Variants in CNGA3 observed in about 807,000 individuals in gnomAD.
CNGA3 encodes the protein cyclic nucleotide gated channel subunit alpha 3.
A neutral mutation model predicts 46.6 loss-of-function variants in CNGA3; 42 were observed. That is an observed-to-expected ratio of 0.90 (90% confidence interval 0.70 to 1.17). CNGA3 has a LOEUF of 1.17. CNGA3 is among the 50% of genes most tolerant of loss of function. The pLI is 0.00. For synonymous variants in CNGA3, 394 were observed against 369.4 expected, an observed-to-expected ratio of 1.07 and a Z score of -0.76; for missense variants, 893 against 890.7, an observed-to-expected ratio of 1.00 and a Z score of -0.03.
chr2:98,391,988 C>A lies in CNGA3; in HGVS notation c.673+18C>A. 6.2e-7 allele frequency: 1 copy of A among 1,608,142 alleles called. No homozygotes were observed. The highest frequency in any genetic ancestry group is 1.1e-5 in the South Asian group (1 of 90,972). On this transcript the variant is annotated intron_variant, in intron 7 of 7. Coordinates refer to ENST00000272602, the MANE Select transcript of CNGA3 (RefSeq NM_001298.3). ...TCGGACAGGTGAGTGTGCCCCAGGC[C>A]TGGGGAGGGGACCATGGCCCCCACG...
intron 1 of CNGA3, among the ~76,000 whole-genome samples, chr2:98,350,483 C>A: frequency 6.6e-6 from 1 of 152,234 alleles, no homozygotes; most frequent in East Asian, 1.9e-4. Context: ...ATGGAGAGCT[C>A]TGTTTCCCCA....
chr2:98,391,232 G>A (rs192549433), intron 6 of CNGA3, among the ~76,000 whole-genome samples: 56 of 152,290 alleles, frequency 3.7e-4, no homozygotes, highest in African/African-American at 1.2e-3. Context: ...CTGTCCCAGC[G>A]AGCAGACAGG....
At chr2:98,377,623 G>C (rs1692435997) in intron 2 of CNGA3, 64 bp from the exon 3 acceptor site, 1 of 1,460,676 alleles carries the variant, frequency 6.8e-7, no homozygotes, top group Non-Finnish European at 9.4e-7. Context: ...TCTCACTCCT[G>C]GCTGTGTCCA....
chr2:98,391,816 C>T, intron 6 of CNGA3, 48 bp from the exon 7 acceptor site: 1 of 1,590,504 alleles, frequency 6.3e-7, no homozygotes, highest in Non-Finnish European at 8.6e-7. Flanking sequence ...GTGGTCCACG[C>T]TCCAGAAACA....
chr2:98,348,043 T>C (rs1691682455), intron 1 of CNGA3, among the ~76,000 whole-genome samples: 1 of 152,140 alleles, frequency 6.6e-6, no homozygotes, highest in Non-Finnish European at 1.5e-5. Flanking sequence ...GTCCCAGTTG[T>C]AGAAAAGTCG....
chr2:98,389,114 G>A (rs927340030), intron 5 of CNGA3, among the ~76,000 whole-genome samples: 2 of 152,236 alleles, frequency 1.3e-5, no homozygotes, highest in Non-Finnish European at 2.9e-5. Flanking sequence ...CCTTGGAAAT[G>A]AGCCTTTACA....
At position 98,397,369 on chromosome 2, in the gene CNGA3, T is replaced by C; in HGVS notation, c.*114T>C. On this transcript the variant is annotated 3_prime_UTR_variant, in exon 8 of 8. Coordinates refer to ENST00000272602, the MANE Select transcript of CNGA3 (RefSeq NM_001298.3). Reference sequence around the variant, plus strand: ...GTTGAATTCCAGCTCTACTCACCCTTTGAAAGCTGTGTGACTGCCTGAGAG... The same window carrying C: ...GTTGAATTCCAGCTCTACTCACCCTCTGAAAGCTGTGTGACTGCCTGAGAG... 9.1e-7 allele frequency: 1 copy of C among 1,099,124 alleles called. No homozygotes were observed. Among genetic ancestry groups the C allele is most frequent in the South Asian group, 1.3e-5 (1 of 74,454 alleles). 68.1% of individuals were successfully genotyped at this position (1,099,124 alleles called of 1,614,324 possible). A position where few individuals can be genotyped will look rare whatever the true frequency, so the allele number is the denominator to read the frequency against.
At chr2:98,388,038 A>C (rs1028382361) in intron 5 of CNGA3, among the ~76,000 whole-genome samples, 1 of 152,212 alleles carries the variant, frequency 6.6e-6, no homozygotes, top group Non-Finnish European at 1.5e-5. Context: ...TAATTTCTCA[A>C]TGTATACTCA....
At chr2:98,392,983 C>G (rs1692828187) in intron 7 of CNGA3, among the ~76,000 whole-genome samples, 1 of 152,142 alleles carries the variant, frequency 6.6e-6, no homozygotes, top group Non-Finnish European at 1.5e-5. Context: ...AAAACTGTGC[C>G]AGGCCAGGCA....
chr2:98,358,407 A>G (rs1691939977), intron 1 of CNGA3, among the ~76,000 whole-genome samples: 1 of 152,200 alleles, frequency 6.6e-6, no homozygotes, highest in Non-Finnish European at 1.5e-5. Flanking sequence ...AACAGCTGCT[A>G]ATGTCCCCCA....
rs1356267891 is a variant in CNGA3, at chr2:98,398,234, GC to G, written c.*980del. On this transcript the variant is annotated 3_prime_UTR_variant, in exon 8 of 8. Transcript: ENST00000272602. ...CCTTGGAATTGCATCCCAAGGCAAA[GC>G]TTTTGGCTCACCGAAAGCTCACAGA... The G allele has an allele frequency of 6.6e-6, 1 of 152,150 alleles. No homozygotes were observed. The allele number at this position is 152,150 out of a possible 1,614,324, so 9.4% of individuals were successfully genotyped here.
At position 98,380,839 on chromosome 2, in the gene CNGA3, A is replaced by G. The variant is rs563034594; in HGVS notation, c.395+485A>G. On this transcript the variant is annotated intron_variant, in intron 4 of 7. Coordinates refer to ENST00000272602, the MANE Select transcript of CNGA3 (RefSeq NM_001298.3). Reference sequence around the variant, plus strand: ...GTGCATTTTTCTGGGAAGAGAGTCTACAGGTTGGTCAGAATTTTCAAGGGG... The same window carrying G: ...GTGCATTTTTCTGGGAAGAGAGTCTGCAGGTTGGTCAGAATTTTCAAGGGG... Among the ~76,000 whole-genome samples the G allele has an allele frequency of 5.3e-5, 8 of 152,298 alleles. No individual in the cohort carries two copies. In the East Asian group the frequency reaches 1.5e-3, roughly 29 times the overall value.
At chr2:98,367,877 G>T (rs930592030) in intron 1 of CNGA3, among the ~76,000 whole-genome samples, 1 of 152,098 alleles carries the variant, frequency 6.6e-6, no homozygotes, top group African/African-American at 2.4e-5. Flanking sequence ...CATCCTCCCT[G>T]GTCTAGCCAG....
At chr2:98,374,768 CATTGATCTAATGGA>C (rs1449174323) in intron 2 of CNGA3, among the ~76,000 whole-genome samples, 1 of 152,182 alleles carries the variant, frequency 6.6e-6, no homozygotes, top group Non-Finnish European at 1.5e-5. Context: ...AAAAGAAAGA[CATTGATCTAATGGA>C]ATTTCAGGCA....
intron 1 of CNGA3, among the ~76,000 whole-genome samples, chr2:98,351,753 C>T (rs764168009): frequency 9.9e-5 from 15 of 152,130 alleles, no homozygotes; most frequent in Non-Finnish European, 1.8e-4. Flanking sequence ...CATATTTTGG[C>T]ATTTCTCCCC....
At chr2:98,394,927 C>T (rs796269251) in intron 7 of CNGA3, among the ~76,000 whole-genome samples, 18 of 152,308 alleles carry the variant, frequency 1.2e-4, no homozygotes, top group African/African-American at 3.8e-4. Flanking sequence ...ATTCACTGAG[C>T]GCTAATCAAA....
intron 2 of CNGA3, among the ~76,000 whole-genome samples, chr2:98,374,857 G>C (rs1692369061): frequency 6.6e-6 from 1 of 152,258 alleles, no homozygotes; most frequent in African/African-American, 2.4e-5. Flanking sequence ...CCTGGAACTT[G>C]CATCATGTAA....
rs751281453 is a variant in CNGA3 at position 98,397,196 on chromosome 2, C to T, written c.2026C>T (p.Pro676Ser). ...ESQVKGGGDK[P>S]LADGEVPGDA... is the part of the protein sequence containing the mutation. ...CCAGGTGAAGGGTGGTGGGGACAAG[C>T]CCCTGGCTGATGGGGAAGTTCCCGG... The change falls in exon 8 of 8, where the codon CCC becomes TCC. Residue 676 changes from proline to serine, a missense_variant. By Grantham distance (74) the Pro-to-Ser change is moderately conservative. This residue lies in a region of CNGA3 where 548 missense variants were observed against 570.8 expected (regional missense o/e 0.96). Coordinates refer to ENST00000272602, the MANE Select transcript of CNGA3 (RefSeq NM_001298.3). 14 of 1,613,990 alleles carry T rather than the reference C, an allele frequency of 8.7e-6. No homozygotes were observed. The highest frequency in any genetic ancestry group is 8.3e-5 in the Admixed American group (5 of 59,998).
chr2:98,354,982 C>G (rs1420599230), intron 1 of CNGA3, among the ~76,000 whole-genome samples: 1 of 152,136 alleles, frequency 6.6e-6, no homozygotes, highest in African/African-American at 2.4e-5. Context: ...GAGGAAGTTT[C>G]CTTATACTCC....
Sources: gnomAD v4.1 joint callset for allele counts (sites outside exome capture counted in the v4.1 genomes callset) on GRCh38, gnomAD v4.1.1 for gene constraint, gnomAD v4.1.1 regional missense constraint, MANE v1.5 for transcripts, NCBI Gene and HGNC (gene_info 2026-07-23, HGNC 2026-07-21) for gene names.